The following DMXL2 variants were observed in gnomAD, a reference collection of about 807,000 sequenced individuals.
DMXL2 encodes the protein Dmx like 2.
DMXL2 carries 103 observed loss-of-function variants against 331.1 expected under a neutral mutation model. That is an observed-to-expected ratio of 0.31 (90% CI 0.27 to 0.37). DMXL2 has a LOEUF of 0.37. Among genes scored for constraint, DMXL2 ranks in the 10% least tolerant of loss-of-function variants. The pLI is 1.00. For synonymous variants in DMXL2, 1,281 were observed against 1,252.1 expected, an observed-to-expected ratio of 1.02 and a Z score of -0.49; for missense variants, 3,171 against 3,642.9, an observed-to-expected ratio of 0.87 and a Z score of 3.33.
chr15:51,586,652 G>A (rs1453638133), intron 1 of DMXL2, among the ~76,000 whole-genome samples: 1 of 151,848 alleles, frequency 6.6e-6, no homozygotes, highest in Non-Finnish European at 1.5e-5. Context: ...TAAGTACTAA[G>A]CTAAAGAGAA....
chr15:51,503,087 AG>A, intron 16 of DMXL2, 54 bp from the exon 17 acceptor site: 1 of 1,146,908 alleles, frequency 8.7e-7, no homozygotes, highest in Non-Finnish European at 1.2e-6. Flanking sequence ...TACTATAAAT[AG>A]GAGCTAGAAT....
At position 51,536,458 on chromosome 15, in the gene DMXL2, T is replaced by G; in HGVS notation, c.2022A>C (p.Leu674=). Residue 674 remains leucine (L), a synonymous_variant, in exon 12 of 44, where the codon CTA becomes CTC. Transcript: ENST00000560891. ...ACTGACAATCTAATTCAGGAGTCAATAGAGCATTATGATGAGAGGATGTCA... is the reference window on the plus strand; with the variant it reads ...ACTGACAATCTAATTCAGGAGTCAAGAGAGCATTATGATGAGAGGATGTCA... The part of the protein sequence containing the change: ...LLLTSSHHNA[L]LTPELDCQWD... 6.2e-7 allele frequency: 1 copy of G among 1,614,020 alleles called. No homozygotes were observed. Among genetic ancestry groups the G allele is most frequent in the Middle Eastern group, 1.7e-4 (1 of 6,060 alleles).
At chr15:51,589,812 G>A (rs775503745) in intron 1 of DMXL2, among the ~76,000 whole-genome samples, 1 of 152,172 alleles carries the variant, frequency 6.6e-6, no homozygotes, top group Non-Finnish European at 1.5e-5. Flanking sequence ...ACTATAAAGA[G>A]AATTAAATAG....
Position 51,479,963 on chromosome 15 carries a change from A to C in DMXL2, c.6741T>G (p.Ser2247Arg), listed in dbSNP as rs771123310. 6.6e-7 allele frequency: 1 copy of C among 1,515,846 alleles called. No individual in the cohort carries two copies. 93.9% of individuals were successfully genotyped at this position (1,515,846 alleles called of 1,614,324 possible). A position where few individuals can be genotyped will look rare whatever the true frequency, so the allele number is the denominator to read the frequency against. The change falls in exon 25 of 44, where the codon AGT becomes AGG. Residue 2247 changes from serine (S) to arginine (R), a missense_variant. Coordinates refer to ENST00000560891, the MANE Select transcript of DMXL2 (RefSeq NM_001378457.1). ...TTTACATTACCTTCACATCTTCAAT[A>C]CTGGGATGAGGTGGTGTTTTCATCT... Reference protein sequence around the residue: ...IVQMKTPPHPSIEDVKVHTLH... With the variant: ...IVQMKTPPHPRIEDVKVHTLH...
chr15:51,466,496 A>G (rs2040585825), intron 29 of DMXL2, 185 bp from the exon 30 acceptor site: 1 of 177,728 alleles, frequency 5.6e-6, no homozygotes, highest in Non-Finnish European at 1.1e-5. Flanking sequence ...TCTTTTGCAG[A>G]TAATGCTACA....
At chr15:51,616,806 A>G (rs1434114453) in intron 1 of DMXL2, among the ~76,000 whole-genome samples, 1 of 151,922 alleles carries the variant, frequency 6.6e-6, no homozygotes, top group African/African-American at 2.4e-5. Context: ...GCATGGTGGC[A>G]CGCACCTGTA....
chr15:51,521,414 CTAGTAGTAG>C (rs10667947), intron 13 of DMXL2, among the ~76,000 whole-genome samples: 2,461 of 141,988 alleles, frequency 0.017, 33 homozygotes, highest in African/African-American at 0.045. Context: ...TAAAAGTTTG[CTAGTAGTAG>C]TAGTAGTAGT....
chr15:51,571,269 C>A (rs140180826), intron 2 of DMXL2, among the ~76,000 whole-genome samples: 3 of 152,228 alleles, frequency 2.0e-5, no homozygotes, highest in Non-Finnish European at 2.9e-5. Flanking sequence ...AATACAGGAG[C>A]ACCCAGATTC....
intron 1 of DMXL2, among the ~76,000 whole-genome samples, chr15:51,581,281 C>T (rs569346979): frequency 8.9e-4 from 135 of 152,168 alleles, no homozygotes; most frequent in Non-Finnish European, 1.3e-3. Context: ...TAATGATAAA[C>T]ATAATGTGCT....
chr15:51,588,183 G>T, intron 1 of DMXL2, among the ~76,000 whole-genome samples: 1 of 149,328 alleles, frequency 6.7e-6, no homozygotes. Context: ...TTTGAGATGA[G>T]GTCTCACCCT....
Position 51,536,149 on chromosome 15 carries a change from T to G in DMXL2, c.2314+17A>C, listed in dbSNP as rs2140877317. ...TTAAAAGCTTGTGTTAATTTCACAA[T>G]TACAATGAACACTTACCTAGACAGT... On this transcript the variant is annotated intron_variant, in intron 12 of 43. Coordinates refer to ENST00000560891, the MANE Select transcript of DMXL2 (RefSeq NM_001378457.1). 1 of 1,523,612 alleles carries G rather than the reference T, an allele frequency of 6.6e-7. No individual in the cohort carries two copies. Among genetic ancestry groups the G allele is most frequent in the East Asian group, 2.3e-5 (1 of 44,114 alleles). 94.4% of individuals were successfully genotyped at this position (1,523,612 alleles called of 1,614,324 possible).
intron 19 of DMXL2, 32 bp downstream of exon 19, chr15:51,494,992 T>C (rs560450781): frequency 6.6e-7 from 1 of 1,514,216 alleles, no homozygotes; most frequent in African/African-American, 1.4e-5. Flanking sequence ...TAAGTAAAAG[T>C]TGTGCAAAGC....
Position 51,459,642 on chromosome 15 carries a change from C to T in DMXL2, c.7945G>A (p.Glu2649Lys). ...KQSESIEEHVEQVNQNCIAED... is the reference protein window; with the variant it reads ...KQSESIEEHVKQVNQNCIAED... ...GCTATGCAGTTTTGGTTGACCTGCT[C>T]CACATGTTCTTCTATAGACTAAATA... Residue 2649 changes from glutamate to lysine, a missense_variant, in exon 34 of 44, where the codon GAG becomes AAG. By Grantham distance (56) the Glu-to-Lys change is moderately conservative (BLOSUM62 1). Transcript: ENST00000560891. 3.1e-6 allele frequency: 4 copies of T among 1,289,760 alleles called. No individual in the cohort carries two copies. The highest frequency in any genetic ancestry group is 3.0e-6 in the Non-Finnish European group (3 of 988,842). The allele number at this position is 1,289,760 out of a possible 1,614,324, so 79.9% of individuals were successfully genotyped here.
chr15:51,568,453 T>C, intron 3 of DMXL2, 34 bp downstream of exon 3: 2 of 1,364,022 alleles, frequency 1.5e-6, no homozygotes, highest in South Asian at 2.6e-5. Flanking sequence ...GTTAACTAGA[T>C]TCTAAAAGTA....
chr15:51,465,760 A>T (rs973548302), intron 30 of DMXL2, 109 bp from the exon 31 acceptor site: 19 of 798,094 alleles, frequency 2.4e-5, no homozygotes, highest in Non-Finnish European at 3.6e-5. Context: ...CCAGAAAAAA[A>T]GCTGTCATTG....
Position 51,519,879 on chromosome 15 carries a change from G to A in DMXL2, c.2437-2712C>T, listed in dbSNP as rs993797637. 6.6e-5 allele frequency among the ~76,000 whole-genome samples: 10 copies of A among 151,974 alleles called. 1 individual carries two copies. Among genetic ancestry groups the A allele is most frequent in the South Asian group, 6.2e-4 (3 of 4,830 alleles). ...GCTGGTCTTGAACTCCTGACCTCAC[G>A]TGATCCACCTGCCTCGGCCTCCCAA... On this transcript the variant is annotated intron_variant, in intron 13 of 43. Transcript: ENST00000560891.
intron 23 of DMXL2, among the ~76,000 whole-genome samples, chr15:51,482,028 A>G (rs2042053077): frequency 6.6e-6 from 1 of 152,220 alleles, no homozygotes; most frequent in Admixed American, 6.5e-5. Flanking sequence ...AACAGGGAAA[A>G]AAAGAGCTAG....
chr15:51,476,830 T>C, intron 26 of DMXL2, 111 bp from the exon 27 acceptor site: 1 of 745,040 alleles, frequency 1.3e-6, no homozygotes, highest in Non-Finnish European at 2.0e-6. Flanking sequence ...ATTCTTAAAA[T>C]GCATTCACTG....
chr15:51,602,625 G>C (rs1312609224), intron 1 of DMXL2, among the ~76,000 whole-genome samples: 1 of 152,148 alleles, frequency 6.6e-6, no homozygotes, highest in Non-Finnish European at 1.5e-5. Context: ...ATAATCTTAA[G>C]CTTAAACAGC....
Sources: allele counts gnomAD v4.1 joint callset (sites outside exome capture counted in the v4.1 genomes callset), GRCh38; gene constraint gnomAD v4.1.1; transcripts MANE v1.5; gene names NCBI Gene and HGNC (gene_info 2026-07-23, HGNC 2026-07-21).